DIAPH2: variants seen among roughly 807,000 people sequenced by gnomAD.
DIAPH2 encodes the protein diaphanous related formin 2.
A neutral mutation model predicts 92.7 loss-of-function variants in DIAPH2; 35 were observed. The observed-to-expected ratio is 0.38, with a 90% CI of 0.29 to 0.50. DIAPH2 has a LOEUF of 0.50. Ranked by LOEUF, DIAPH2 falls within the 20% of genes least tolerant of loss-of-function variation. The pLI, the probability that DIAPH2 is intolerant of heterozygous loss-of-function variation, is 0.94. For synonymous variants in DIAPH2, 301 were observed against 280.4 expected (o/e 1.07, Z -0.73); for missense variants, 701 against 819.5 (o/e 0.86, Z 1.77).
intron 4 of DIAPH2, among the ~76,000 whole-genome samples, chrX:96,817,202 A>C (rs1420664304): frequency 8.9e-6 from 1 of 112,307 alleles, no homozygotes; most frequent in East Asian, 2.8e-4. Context: ...ACATTTTAAA[A>C]TAACTAAACT....
At chrX:97,021,014 G>A (rs929922667) in intron 17 of DIAPH2, among the ~76,000 whole-genome samples, 1 of 111,340 alleles carries the variant, frequency 9.0e-6, no homozygotes, top group African/African-American at 3.3e-5. Flanking sequence ...TATATATAAG[G>A]AAGATTATTT....
chrX:97,396,527 C>G (rs1299535468), intron 25 of DIAPH2, among the ~76,000 whole-genome samples: 1 of 110,890 alleles, frequency 9.0e-6, no homozygotes, highest in African/African-American at 3.3e-5. Flanking sequence ...CAAAAATTAG[C>G]TGGGTATGGT....
chrX:96,962,284 T>TATATATATACACATATATATAC (rs1556309981), intron 16 of DIAPH2, among the ~76,000 whole-genome samples: 8 of 73,573 alleles, frequency 1.1e-4, no homozygotes, highest in Non-Finnish European at 2.0e-4. Flanking sequence ...CATATATATA[T>TATATATATACACATATATATAC]ACATATATAT....
At chrX:97,285,605 T>G (rs2068535796) in intron 23 of DIAPH2, among the ~76,000 whole-genome samples, 1 of 110,412 alleles carries the variant, frequency 9.1e-6, no homozygotes, top group Admixed American at 9.8e-5. Flanking sequence ...CCTGTTACTT[T>G]TTTTTTTTGA....
intron 22 of DIAPH2, among the ~76,000 whole-genome samples, chrX:97,243,239 T>C (rs1016825544): frequency 9.2e-6 from 1 of 108,402 alleles, no homozygotes; most frequent in African/African-American, 3.4e-5. Context: ...CAGCATTTTT[T>C]TTTTTTTTTT....
chrX:96,904,120 G>A (rs756536053), intron 5 of DIAPH2, among the ~76,000 whole-genome samples: 8 of 111,859 alleles, frequency 7.2e-5, no homozygotes, highest in African/African-American at 2.6e-4. Flanking sequence ...TAGAATAAAC[G>A]CAGCCAGAGA....
intron 17 of DIAPH2, among the ~76,000 whole-genome samples, chrX:97,008,930 A>G (rs943584455): frequency 1.8e-5 from 2 of 110,787 alleles, no homozygotes; most frequent in Non-Finnish European, 3.8e-5. Context: ...CTGCCAGGCT[A>G]TTGCCTGTGT....
In DIAPH2 at chrX:97,066,790, G is replaced by A. The variant is rs772005209; in HGVS notation, c.2051-6151G>A. Among the ~76,000 whole-genome samples, 7 of 112,191 alleles carry A rather than the reference G, an allele frequency of 6.2e-5. No homozygotes were observed. In the South Asian group the frequency reaches 2.6e-3, roughly 41 times the overall value. The stretch of plus-strand genomic sequence containing the variant: ...GGTGTGCAAGTATATTAGTTATGCA[G>A]ATGTTAATTTGCAGTAACATGTGCT... On this transcript the variant is annotated intron_variant, in intron 17 of 26. Transcript: ENST00000324765.
intron 3 of DIAPH2, among the ~76,000 whole-genome samples, chrX:96,742,524 C>G (rs893772075): frequency 9.0e-6 from 1 of 111,686 alleles, no homozygotes; most frequent in Non-Finnish European, 1.9e-5. Context: ...CTTATAAGAT[C>G]CTATATGTTT....
chrX:97,316,936 G>A (rs1003511185), intron 23 of DIAPH2, among the ~76,000 whole-genome samples: 18 of 111,568 alleles, frequency 1.6e-4, no homozygotes, highest in African/African-American at 5.9e-4. Context: ...TTCCATAATA[G>A]GAACAGCAAG....
intron 25 of DIAPH2, among the ~76,000 whole-genome samples, chrX:97,387,353 G>A (rs1409974778): frequency 8.9e-6 from 1 of 112,335 alleles, no homozygotes; most frequent in Non-Finnish European, 1.9e-5. Context: ...AGTAAGATGT[G>A]TGTGTACACA....
In DIAPH2 at chrX:96,738,583, C is replaced by T; in HGVS notation, c.166-3C>T. On this transcript the variant is annotated splice_polypyrimidine_tract_variant and splice_region_variant and intron_variant, in intron 2 of 26. Coordinates refer to ENST00000324765, the MANE Select transcript of DIAPH2 (RefSeq NM_006729.5). The stretch of plus-strand genomic sequence containing the variant: ...CTTTTTATTTATTTATTTTTGTTTG[C>T]AGCGTGACCGAATTACAAGTTTTAG... 8.5e-7 allele frequency: 1 copy of T among 1,182,250 alleles called. No individual in the cohort carries two copies. The highest frequency in any genetic ancestry group is 2.4e-5 in the Admixed American group (1 of 40,991).
At chrX:97,375,439 A>G (rs1167158127) in intron 24 of DIAPH2, among the ~76,000 whole-genome samples, 1 of 111,597 alleles carries the variant, frequency 9.0e-6, no homozygotes, top group African/African-American at 3.3e-5. Context: ...CAGGGCGACA[A>G]GAGCACAACT....
At chrX:97,550,670 T>G (rs990955687) in intron 26 of DIAPH2, among the ~76,000 whole-genome samples, 2 of 112,221 alleles carry the variant, frequency 1.8e-5, no homozygotes, top group African/African-American at 6.5e-5. Context: ...ATTAGGAAGA[T>G]TCCTCTGCCC....
chrX:97,452,550 T>A (rs570492487), intron 26 of DIAPH2, among the ~76,000 whole-genome samples: 10 of 111,885 alleles, frequency 8.9e-5, no homozygotes, highest in Middle Eastern at 4.6e-3. Context: ...AGGTTCTTGT[T>A]CTCTTTTTAC....
At chrX:97,548,208 G>C (rs988082098) in intron 26 of DIAPH2, among the ~76,000 whole-genome samples, 1 of 112,008 alleles carries the variant, frequency 8.9e-6, no homozygotes. Flanking sequence ...TTTTGTGTGT[G>C]TCTCTCTCTT....
intron 4 of DIAPH2, among the ~76,000 whole-genome samples, chrX:96,816,401 G>T: frequency 8.9e-6 from 1 of 111,996 alleles, no homozygotes; most frequent in Non-Finnish European, 1.9e-5. Context: ...TCCCTTATTT[G>T]TCTGTCTTTT....
intron 26 of DIAPH2, among the ~76,000 whole-genome samples, chrX:97,480,223 A>G (rs1196832537): frequency 1.8e-5 from 2 of 111,795 alleles, no homozygotes; most frequent in Non-Finnish European, 3.8e-5. Context: ...ACAAAGACAC[A>G]CAGGGAGAAT....
chrX:97,317,407 T>C (rs1007695121), intron 23 of DIAPH2, among the ~76,000 whole-genome samples: 2 of 112,236 alleles, frequency 1.8e-5, no homozygotes, highest in Non-Finnish European at 3.8e-5. Flanking sequence ...GAATTAAGAC[T>C]TGAAACATCA....
Sources: allele counts gnomAD v4.1 joint callset (sites outside exome capture counted in the v4.1 genomes callset), GRCh38; gene constraint gnomAD v4.1.1; transcripts MANE v1.5; gene names NCBI Gene and HGNC (gene_info 2026-07-23, HGNC 2026-07-21).